Variants in TARBP1 observed in about 807,000 individuals in gnomAD.
TARBP1 encodes tRNA (guanosine(18)-2'-O)-methyltransferase TARBP1.
TARBP1 carries 144 observed loss-of-function variants against 178.6 expected under a neutral mutation model. The ratio of observed to expected loss-of-function variants is 0.81; its 90% CI spans 0.70 to 0.93. The LOEUF is 0.93. Among genes scored for constraint, TARBP1 ranks in the 40% least tolerant of loss-of-function variants. The probability of loss-of-function intolerance (pLI) is 0.00; values close to 1 mark genes in which losing one functional copy is unlikely to be tolerated. For synonymous variants in TARBP1, 787 were observed against 781.0 expected (o/e 1.01, Z -0.13); for missense variants, 2,067 against 2,011.7 (o/e 1.03, Z -0.53).
intron 9 of TARBP1, 87 bp from the exon 10 acceptor site, chr1:234,450,653 C>T: frequency 7.3e-7 from 1 of 1,377,864 alleles, no homozygotes; most frequent in Non-Finnish European, 9.8e-7. Flanking sequence ...TTCTTTCTTT[C>T]ACGATAAACC....
intron 12 of TARBP1, among the ~76,000 whole-genome samples, chr1:234,444,169 C>A (rs1043583965): frequency 6.6e-6 from 1 of 152,036 alleles, no homozygotes; most frequent in Non-Finnish European, 1.5e-5. Flanking sequence ...AAACCTACGT[C>A]AGGAAGAAAA....
chr1:234,398,927 G>C (rs1227728410), intron 25 of TARBP1, among the ~76,000 whole-genome samples: 1 of 152,204 alleles, frequency 6.6e-6, no homozygotes, highest in Admixed American at 6.5e-5. Context: ...TCAAGTTCAA[G>C]CTCTTTTCAT....
At chr1:234,452,770 C>T (rs988856064) in intron 9 of TARBP1, among the ~76,000 whole-genome samples, 3 of 152,072 alleles carry the variant, frequency 2.0e-5, no homozygotes, top group Admixed American at 6.6e-5. Context: ...AAGATGTTTA[C>T]AGTAGTCTTA....
intron 26 of TARBP1, chr1:234,398,149 G>C (rs1572204279): frequency 3.5e-6 from 1 of 281,886 alleles, no homozygotes; most frequent in East Asian, 5.7e-5. Flanking sequence ...AAGCAGATCA[G>C]GCTTCCTTTG....
rs375836600 is a variant in TARBP1, at chr1:234,430,270, A to G, written c.2426T>C (p.Val809Ala). ...CATGGCCAAGGCAGCCATGCTCACT[A>G]CTCTCTGAATCTGACTTCCAACTGT... ...EPTVGSQIQR[V>A]VSMAALAMVC... Residue 809 changes from valine (V) to alanine (A), a missense_variant, in exon 15 of 30, where the codon GTA (valine) becomes GCA (alanine). Transcript: ENST00000040877. 5.0e-6 allele frequency: 8 copies of G among 1,613,828 alleles called. No homozygotes were observed. Among genetic ancestry groups the G allele is most frequent in the Admixed American group, 1.7e-5 (1 of 60,002 alleles).
At chr1:234,451,145 G>A (rs576888675) in intron 9 of TARBP1, among the ~76,000 whole-genome samples, 98 of 152,248 alleles carry the variant, frequency 6.4e-4, no homozygotes, top group South Asian at 8.3e-4. Context: ...AACACTGTCC[G>A]AGGCCTTCTC....
chr1:234,463,453 A>G (rs184780076), intron 6 of TARBP1, among the ~76,000 whole-genome samples: 3 of 152,280 alleles, frequency 2.0e-5, no homozygotes, highest in Admixed American at 1.3e-4. Context: ...TTCTAAGTTA[A>G]TATCTATAAA....
At chr1:234,450,138 T>C (rs571363048) in intron 10 of TARBP1, among the ~76,000 whole-genome samples, 6 of 150,682 alleles carry the variant, frequency 4.0e-5, no homozygotes, top group Non-Finnish European at 8.9e-5. Context: ...GACCCAGTAA[T>C]TGCAGAATAA....
At chr1:234,428,694 C>T (rs979368442) in intron 17 of TARBP1, among the ~76,000 whole-genome samples, 1 of 151,976 alleles carries the variant, frequency 6.6e-6, no homozygotes, top group Non-Finnish European at 1.5e-5. Flanking sequence ...TACAGGCGTG[C>T]GCCACCACAC....
At chr1:234,457,785 T>G (rs944304148) in intron 8 of TARBP1, 29 bp from the exon 9 acceptor site, 5 of 1,533,320 alleles carry the variant, frequency 3.3e-6, no homozygotes, top group Admixed American at 3.6e-5. Context: ...GTTTTAAAAA[T>G]TACTCGTATT....
At chr1:234,420,419 A>T (rs1263386244) in intron 21 of TARBP1, among the ~76,000 whole-genome samples, 1 of 152,122 alleles carries the variant, frequency 6.6e-6, no homozygotes, top group Non-Finnish European at 1.5e-5. Flanking sequence ...CAAATGGCAA[A>T]TCAGACTTTA....
chr1:234,459,533 C>G (rs1362032579), intron 7 of TARBP1, among the ~76,000 whole-genome samples: 1 of 152,102 alleles, frequency 6.6e-6, no homozygotes, highest in African/African-American at 2.4e-5. Context: ...GACTATAGGC[C>G]GGGCGCAGTG....
In TARBP1 at chr1:234,393,639, A is replaced by C; in HGVS notation, c.4435+7T>G. 6.3e-7 allele frequency: 1 copy of C among 1,596,708 alleles called. No individual in the cohort carries two copies. The highest frequency in any genetic ancestry group is 8.6e-7 in the Non-Finnish European group (1 of 1,168,200). ...CAGGCAAAGCTCCCAGAAAACTCCA[A>C]CTTTACCTCCTAAATTGGTCGGTTT... is the stretch of plus-strand genomic sequence containing the variant. On this transcript the variant is annotated splice_region_variant and intron_variant, in intron 27 of 29. Transcript: ENST00000040877.
chr1:234,412,219 C>T (rs979217191), intron 22 of TARBP1, among the ~76,000 whole-genome samples: 6 of 152,026 alleles, frequency 3.9e-5, no homozygotes, highest in African/African-American at 9.7e-5. Context: ...GTCAGGAGTT[C>T]GATATCAGCC....
At chr1:234,453,810 G>A (rs928597438) in intron 9 of TARBP1, among the ~76,000 whole-genome samples, 1 of 152,150 alleles carries the variant, frequency 6.6e-6, no homozygotes, top group Non-Finnish European at 1.5e-5. Context: ...TAAGCCTCCT[G>A]AGGGTAGTCA....
chr1:234,399,717 G>A (rs1004166992), intron 25 of TARBP1, among the ~76,000 whole-genome samples: 1 of 152,128 alleles, frequency 6.6e-6, no homozygotes, highest in African/African-American at 2.4e-5. Context: ...AAAAAATGAT[G>A]AGTTCATGTC....
In TARBP1 at chr1:234,446,858, C is replaced by A. The variant is rs1450759388; in HGVS notation, c.2079G>T (p.Gln693His). The change falls in exon 12 of 30, where the codon CAG (glutamine) becomes CAT (histidine). Residue 693 changes from glutamine (Q) to histidine (H), a missense_variant. Physicochemically the swap from Gln to His is conservative, Grantham distance 24. Transcript: ENST00000040877. ...ATGTGTTCAACAGCTTCAACAGCAG[C>A]TGGAGGCATCTGTCAGTCTTCAGCA... is the stretch of plus-strand genomic sequence containing the variant. ...MPLLKTDRCL[Q>H]LLLKLLNTCR... 1 of 1,614,058 alleles carries A rather than the reference C, an allele frequency of 6.2e-7. No individual in the cohort carries two copies. Among genetic ancestry groups the A allele is most frequent in the Admixed American group, 1.7e-5 (1 of 60,010 alleles).
chr1:234,477,888 T>C (rs918842690), intron 1 of TARBP1, among the ~76,000 whole-genome samples: 2 of 152,204 alleles, frequency 1.3e-5, no homozygotes, highest in East Asian at 3.8e-4. Flanking sequence ...TTTGGGTCTG[T>C]AAAATCTTGC....
intron 22 of TARBP1, among the ~76,000 whole-genome samples, chr1:234,413,647 G>C (rs535978407): frequency 1.3e-5 from 2 of 152,312 alleles, no homozygotes; most frequent in Admixed American, 1.3e-4. Context: ...GAGGAGCATA[G>C]TCTTCATCCT....
Sources: allele counts gnomAD v4.1 joint callset (sites outside exome capture counted in the v4.1 genomes callset), GRCh38; gene constraint gnomAD v4.1.1; transcripts MANE v1.5; gene names NCBI Gene and HGNC (gene_info 2026-07-23, HGNC 2026-07-21).